The following PALLD variants were observed in gnomAD, a reference collection of about 807,000 sequenced individuals.
PALLD encodes palladin.
Under a neutral mutation model 123.5 loss-of-function variants are expected in PALLD, and 61 were observed. The observed-to-expected ratio is 0.49, with a 90% CI of 0.40 to 0.61. The LOEUF is 0.61. PALLD is among the 20% of genes least tolerant of loss of function. The probability of loss-of-function intolerance (pLI) is 0.00; values close to 1 mark genes in which losing one functional copy is unlikely to be tolerated. For missense variants in PALLD, 1,273 were observed against 1,377.0 expected (o/e 0.92, Z 1.20); for synonymous variants, 465 against 496.4 (o/e 0.94, Z 0.84).
At chr4:168,715,217 A>G (rs1785233899) in intron 10 of PALLD, among the ~76,000 whole-genome samples, 1 of 152,128 alleles carries the variant, frequency 6.6e-6, no homozygotes, top group Admixed American at 6.6e-5. Flanking sequence ...CTGGCTTAGT[A>G]TCGTGGACGC....
intron 2 of PALLD, among the ~76,000 whole-genome samples, chr4:168,606,663 CAAAAA>C (rs70961540): frequency 3.3e-5 from 3 of 92,112 alleles, no homozygotes; most frequent in Admixed American, 1.1e-4. Context: ...GACTCCGTCT[CAAAAA>C]AAAAAAAAAA....
chr4:168,756,796 C>CAGGAGAAATTGTGTTT (rs1731953575), intron 10 of PALLD, among the ~76,000 whole-genome samples: 3 of 152,142 alleles, frequency 2.0e-5, no homozygotes, highest in Admixed American at 6.5e-5. Context: ...AGAGTCACCA[C>CAGGAGAAATTGTGTTT]AGGAGAAATT....
intron 10 of PALLD, chr4:168,877,646 C>T (rs1419600233): frequency 2.6e-6 from 2 of 777,538 alleles, no homozygotes; most frequent in East Asian, 7.8e-5. Context: ...GCGATGTCCA[C>T]AAGCTGAGCT....
chr4:168,704,903 T>C (rs1187790269), intron 8 of PALLD, among the ~76,000 whole-genome samples: 2 of 152,066 alleles, frequency 1.3e-5, no homozygotes, highest in Non-Finnish European at 2.9e-5. Flanking sequence ...TTATAGTAGA[T>C]CAAATATTTG....
chr4:168,793,970 C>T (rs936918688), intron 10 of PALLD, among the ~76,000 whole-genome samples: 2 of 152,184 alleles, frequency 1.3e-5, no homozygotes, highest in East Asian at 3.9e-4. Context: ...CACGTTCTGC[C>T]TAGGGTATCC....
At chr4:168,780,009 C>T (rs13128085) in intron 10 of PALLD, among the ~76,000 whole-genome samples, 53 of 152,160 alleles carry the variant, frequency 3.5e-4, no homozygotes, top group Admixed American at 2.2e-3. Flanking sequence ...AGCGATTCTC[C>T]TGCCTCAGCC....
chr4:168,541,723 A>G (rs1056338733), intron 2 of PALLD, among the ~76,000 whole-genome samples: 3 of 152,140 alleles, frequency 2.0e-5, no homozygotes, highest in African/African-American at 7.2e-5. Context: ...AAAGTGCTGG[A>G]ATTACAAGCA....
chr4:168,663,764 C>T (rs1484130029), intron 2 of PALLD, among the ~76,000 whole-genome samples: 1 of 152,128 alleles, frequency 6.6e-6, no homozygotes, highest in South Asian at 2.1e-4. Context: ...TTTCTGATAT[C>T]GTCTGTATTG....
chr4:168,749,268 A>G (rs1375941275), intron 10 of PALLD, among the ~76,000 whole-genome samples: 1 of 152,174 alleles, frequency 6.6e-6, no homozygotes, highest in Non-Finnish European at 1.5e-5. Context: ...ATGCCTGTAC[A>G]TCCTGCAGAA....
chr4:168,828,014 C>T (rs1250215460), intron 10 of PALLD, among the ~76,000 whole-genome samples: 1 of 152,154 alleles, frequency 6.6e-6, no homozygotes, highest in African/African-American at 2.4e-5. Context: ...GCACTCCAGC[C>T]CGGGTAACAC....
At chr4:168,890,827 C>T (rs1270008995) in intron 10 of PALLD, 95 bp from the exon 11 acceptor site, 19 of 1,248,750 alleles carry the variant, frequency 1.5e-5, no homozygotes, top group Non-Finnish European at 2.2e-5. Context: ...GAGTGACATG[C>T]TGATACCTTG....
intron 2 of PALLD, among the ~76,000 whole-genome samples, chr4:168,554,288 C>G (rs1580285446): frequency 6.6e-6 from 1 of 152,154 alleles, no homozygotes; most frequent in Non-Finnish European, 1.5e-5. Flanking sequence ...TCCTGGAACT[C>G]CTTATTGGCA....
chr4:168,594,924 A>C (rs1271773888), intron 2 of PALLD, among the ~76,000 whole-genome samples: 1 of 152,202 alleles, frequency 6.6e-6, no homozygotes, highest in African/African-American at 2.4e-5. Context: ...TGCTAGGCTT[A>C]TGACTTTCAA....
chr4:168,792,092 C>G (rs974087303), intron 10 of PALLD, among the ~76,000 whole-genome samples: 31 of 152,088 alleles, frequency 2.0e-4, no homozygotes, highest in African/African-American at 2.4e-5. Context: ...TACATAGCTA[C>G]AATTTTGTGT....
At position 168,871,348 on chromosome 4, in the gene PALLD, C is replaced by T. The variant is rs1037182036; in HGVS notation, c.1965-19574C>T. On this transcript the variant is annotated intron_variant, in intron 10 of 21. Coordinates refer to ENST00000505667, the MANE Select transcript of PALLD (RefSeq NM_001166108.2). ...GAAATATCTGTCTGTCCTTTCTTCC[C>T]TAATTCTTCAAAATCTCAGAGAAAT... is the stretch of plus-strand genomic sequence containing the variant. Among the ~76,000 whole-genome samples, 6 of 152,044 alleles carry T rather than the reference C, an allele frequency of 3.9e-5. No individual in the cohort carries two copies. The East Asian group carries it at 1.2e-3, about 29-fold the overall frequency.
chr4:168,829,066 T>G (rs1743827108), intron 10 of PALLD: 1 of 152,246 alleles, frequency 6.6e-6, no homozygotes, highest in Non-Finnish European at 1.5e-5. Context: ...TCATCAGTGC[T>G]TCTACTGATA....
intron 10 of PALLD, among the ~76,000 whole-genome samples, chr4:168,889,085 G>C (rs1401382974): frequency 6.6e-6 from 1 of 151,560 alleles, no homozygotes; most frequent in Non-Finnish European, 1.5e-5. Context: ...AGTGACATGA[G>C]GCACACAGTG....
chr4:168,674,069 C>A (rs1347943434), intron 3 of PALLD, among the ~76,000 whole-genome samples: 1 of 152,086 alleles, frequency 6.6e-6, no homozygotes, highest in African/African-American at 2.4e-5. Flanking sequence ...CACGAGCCAC[C>A]ATGCCCGGCT....
At chr4:168,542,808 G>T (rs1034315149) in intron 2 of PALLD, among the ~76,000 whole-genome samples, 6 of 144,862 alleles carry the variant, frequency 4.1e-5, no homozygotes, top group African/African-American at 1.6e-4. Flanking sequence ...CCAACCTTGG[G>T]TGGGAATCTT....
Sources: allele counts gnomAD v4.1 joint callset (sites outside exome capture counted in the v4.1 genomes callset), GRCh38; gene constraint gnomAD v4.1.1; transcripts MANE v1.5; gene names NCBI Gene and HGNC (gene_info 2026-07-23, HGNC 2026-07-21).